SLC6A5: variants seen among roughly 807,000 people sequenced by gnomAD.
SLC6A5 encodes the protein sodium- and chloride-dependent glycine transporter 2.
SLC6A5 carries 58 observed loss-of-function variants against 90.5 expected under a neutral mutation model. The observed-to-expected ratio is 0.64, with a 90% CI of 0.52 to 0.80. The LOEUF is 0.80. Ranked by LOEUF, SLC6A5 falls within the 30% of genes least tolerant of loss-of-function variation. SLC6A5 has a pLI of 0.00. For synonymous variants in SLC6A5, 427 were observed against 401.4 expected (o/e 1.06, Z -0.76); for missense variants, 1,015 against 1,017.6 (o/e 1.00, Z 0.03).
chr11:20,606,942 G>T, intron 3 of SLC6A5, 65 bp from the exon 4 acceptor site: 1 of 1,608,970 alleles, frequency 6.2e-7, no homozygotes, highest in Non-Finnish European at 8.5e-7. Context: ...CTAGCCCAGA[G>T]GGTTAAGGAG....
At position 20,655,033 on chromosome 11, in the gene SLC6A5, G is replaced by A. The variant is rs189940715; in HGVS notation, c.*165G>A. The A allele has an allele frequency of 6.8e-5, 54 of 792,314 alleles. No homozygotes were observed. The African/African-American group carries it at 8.4e-4, about 12-fold the overall frequency. 49.1% of individuals were successfully genotyped at this position (792,314 alleles called of 1,614,324 possible). Reference sequence around the variant, plus strand: ...TAGAAAAGTAGGCATAGTGTCGCATGCTGCAGTAAAGAGCTACATAGACCA... The same window carrying A: ...TAGAAAAGTAGGCATAGTGTCGCATACTGCAGTAAAGAGCTACATAGACCA... On this transcript the variant is annotated 3_prime_UTR_variant, in exon 16 of 16. Coordinates refer to ENST00000525748, the MANE Select transcript of SLC6A5 (RefSeq NM_004211.5).
chr11:20,647,179 T>G (rs1423117178), intron 14 of SLC6A5, among the ~76,000 whole-genome samples: 1 of 149,010 alleles, frequency 6.7e-6, no homozygotes, highest in Non-Finnish European at 1.5e-5. Flanking sequence ...TGGAGAACAT[T>G]TCCTATGGCA....
At chr11:20,604,246 A>C (rs1408654573) in intron 2 of SLC6A5, 40 bp from the exon 3 acceptor site, 17 of 1,580,780 alleles carry the variant, frequency 1.1e-5, no homozygotes, top group African/African-American at 4.0e-5. Flanking sequence ...TTGTGGACCT[A>C]CTCGGGGCTG....
intron 6 of SLC6A5, 126 bp downstream of exon 6, chr11:20,614,946 C>T (rs1415146084): frequency 1.5e-5 from 14 of 925,690 alleles, no homozygotes; most frequent in African/African-American, 3.3e-5. Flanking sequence ...GGTTTTTTCC[C>T]TGGTTTGGCT....
chr11:20,646,739 T>C, intron 13 of SLC6A5, 95 bp from the exon 14 acceptor site: 2 of 832,324 alleles, frequency 2.4e-6, no homozygotes, highest in Non-Finnish European at 4.2e-6. Flanking sequence ...CCCTAGCCAA[T>C]GGTGCTTGAG....
chr11:20,607,710 C>A, intron 5 of SLC6A5, 58 bp downstream of exon 5: 2 of 1,392,246 alleles, frequency 1.4e-6, no homozygotes, highest in Non-Finnish European at 2.0e-6. Context: ...ATTTATTCAG[C>A]AAAATAATTG....
intron 7 of SLC6A5, among the ~76,000 whole-genome samples, chr11:20,620,933 G>T (rs889346560): frequency 2.7e-4 from 41 of 152,038 alleles, no homozygotes; most frequent in African/African-American, 8.9e-4. Flanking sequence ...CTGAGTAGCT[G>T]GGATTACAGG....
intron 7 of SLC6A5, among the ~76,000 whole-genome samples, chr11:20,624,264 C>A (rs1452259312): frequency 1.3e-5 from 2 of 151,798 alleles, no homozygotes; most frequent in Non-Finnish European, 2.9e-5. Context: ...AGCAATTCAC[C>A]TGCTTCAGCC....
Position 20,601,243 on chromosome 11 carries a change from C to T in SLC6A5, c.118C>T (p.Leu40Phe). 1 of 1,582,534 alleles carries T rather than the reference C, an allele frequency of 6.3e-7. No homozygotes were observed. Among genetic ancestry groups the T allele is most frequent in the Non-Finnish European group, 8.5e-7 (1 of 1,171,972 alleles). The change falls in exon 2 of 16, where the codon CTT becomes TTT. Residue 40 changes from leucine to phenylalanine, a missense_variant. Transcript: ENST00000525748. ...CAPRTSPEQE[L>F]PAAAAPPPPR... ...TCCCAGGACGAGCCCGGAGCAGGAG[C>T]TTCCCGCGGCTGCCGCCCCGCCGCC...
intron 12 of SLC6A5, among the ~76,000 whole-genome samples, 177 bp from the exon 13 acceptor site, chr11:20,638,282 C>T (rs1306476058): frequency 2.0e-5 from 3 of 152,170 alleles, no homozygotes; most frequent in African/African-American, 7.2e-5. Flanking sequence ...CTCAGCAAGG[C>T]CTCCAGCTTA....
At position 20,626,863 on chromosome 11, in the gene SLC6A5, A is replaced by G; in HGVS notation, c.1395+21A>G. 2.5e-6 allele frequency: 4 copies of G among 1,611,962 alleles called. No individual in the cohort carries two copies. The Admixed American group carries it at 5.0e-5, about 20-fold the overall frequency. ...CCACGGTGGGCTTCTAATTTTATCTATAACCAGCCCTGGGGGAGTGGCCCT... is the reference window on the plus strand; with the variant it reads ...CCACGGTGGGCTTCTAATTTTATCTGTAACCAGCCCTGGGGGAGTGGCCCT... On this transcript the variant is annotated intron_variant, in intron 8 of 15. Transcript: ENST00000525748.
intron 10 of SLC6A5, among the ~76,000 whole-genome samples, 167 bp downstream of exon 10, chr11:20,630,982 C>T (rs1025177385): frequency 1.3e-5 from 2 of 152,222 alleles, no homozygotes; most frequent in African/African-American, 4.8e-5. Context: ...GTAGGAAGCT[C>T]ACTGCAGAGT....
At position 20,630,676 on chromosome 11, in the gene SLC6A5, G is replaced by T; in HGVS notation, c.1500-15G>T. 1 of 1,614,164 alleles carries T rather than the reference G, an allele frequency of 6.2e-7. No individual in the cohort carries two copies. Among genetic ancestry groups the T allele is most frequent in the Non-Finnish European group, 8.5e-7 (1 of 1,180,004 alleles). The stretch of plus-strand genomic sequence containing the variant: ...CAAGCACACCTAATGGAAAACTCTG[G>T]TCTCTTCCTTCCAGGGACACTCTAA... On this transcript the variant is annotated splice_polypyrimidine_tract_variant and intron_variant, in intron 9 of 15. Coordinates refer to ENST00000525748, the MANE Select transcript of SLC6A5 (RefSeq NM_004211.5).
intron 3 of SLC6A5, among the ~76,000 whole-genome samples, chr11:20,605,810 G>C (rs1481925322): frequency 6.6e-6 from 1 of 152,246 alleles, no homozygotes. Flanking sequence ...GTGCGGGGTG[G>C]AGGGCTCGCC....
intron 2 of SLC6A5, among the ~76,000 whole-genome samples, chr11:20,603,447 G>A (rs1007820061): frequency 1.3e-5 from 2 of 152,156 alleles, no homozygotes; most frequent in African/African-American, 2.4e-5. Flanking sequence ...AGGGCTTCAG[G>A]GGACAGTCAT....
Position 20,621,231 on chromosome 11 carries a change from G to A in SLC6A5, c.1260+3347G>A, listed in dbSNP as rs80355010. Among the ~76,000 whole-genome samples, 344 of 152,326 alleles carry A rather than the reference G, an allele frequency of 2.3e-3. 12 individuals are homozygous for A. In the East Asian group the frequency reaches 0.054, roughly 24 times the overall value. Reference sequence around the variant, plus strand: ...GAAAAAATCCCCCCACAGTAAATCAGAATCTGCATTTCTACCCAGTCTCTG... The same window carrying A: ...GAAAAAATCCCCCCACAGTAAATCAAAATCTGCATTTCTACCCAGTCTCTG... On this transcript the variant is annotated intron_variant, in intron 7 of 15. Coordinates refer to ENST00000525748, the MANE Select transcript of SLC6A5 (RefSeq NM_004211.5).
chr11:20,654,876 G>A lies in SLC6A5; in HGVS notation c.*8G>A, dbSNP rs1555047561. The A allele has an allele frequency of 6.2e-7, 1 of 1,613,974 alleles. No homozygotes were observed. The highest frequency in any genetic ancestry group is 1.7e-5 in the Admixed American group (1 of 60,032). On this transcript the variant is annotated 3_prime_UTR_variant, in exon 16 of 16. Coordinates refer to ENST00000525748, the MANE Select transcript of SLC6A5 (RefSeq NM_004211.5). ...CTGGGCACTCAGTGCTAGTCCAGTG[G>A]TGTGGGATGGTCCAGACTTGATCCT...
At chr11:20,600,889 T>G (rs752542096) in intron 1 of SLC6A5, among the ~76,000 whole-genome samples, 7 of 152,188 alleles carry the variant, frequency 4.6e-5, no homozygotes, top group Non-Finnish European at 8.8e-5. Context: ...CTACCTCTTT[T>G]CTTAGTTCAT....
Position 20,652,446 on chromosome 11 carries a change from G to A in SLC6A5, c.2228G>A (p.Arg743Lys). The stretch of plus-strand genomic sequence containing the variant: ...ATAAAAATGCATCTGGCCCCTGGAA[G>A]ATTTATTGAGGTAATTCTGTCTACT... ...FVIKMHLAPG[R>K]FIERLKLVCS... The change falls in exon 15 of 16, where the codon AGA becomes AAA. Residue 743 changes from arginine (R) to lysine (K), a missense_variant. Physicochemically the swap from Arg to Lys is conservative, Grantham distance 26 (BLOSUM62 2). This residue lies in a region of SLC6A5 where 442 missense variants were observed against 494.3 expected (regional missense o/e 0.89). Transcript: ENST00000525748. The A allele has an allele frequency of 6.2e-7, 1 of 1,613,934 alleles. No individual in the cohort carries two copies. Among genetic ancestry groups the A allele is most frequent in the Non-Finnish European group, 8.5e-7 (1 of 1,179,802 alleles).
Sources: gnomAD v4.1 joint callset for allele counts (sites outside exome capture counted in the v4.1 genomes callset) on GRCh38, gnomAD v4.1.1 for gene constraint, gnomAD v4.1.1 regional missense constraint, MANE v1.5 for transcripts, NCBI Gene and HGNC (gene_info 2026-07-23, HGNC 2026-07-21) for gene names.